The following ZNF235 variants were observed in gnomAD, a reference collection of about 807,000 sequenced individuals.
The protein encoded by ZNF235 is zfp-93.
In ZNF235, 25 loss-of-function variants were observed where a neutral mutation model predicts 29.4. That is an observed-to-expected ratio of 0.85 (90% CI 0.62 to 1.19). The LOEUF is 1.19. Among genes scored for constraint, ZNF235 ranks in the 50% most tolerant of loss-of-function variants. The pLI is 0.00. For synonymous variants in ZNF235, 300 were observed against 295.3 expected (o/e 1.02, Z -0.16); for missense variants, 788 against 885.0 (o/e 0.89, Z 1.39).
rs772622504 is a variant in ZNF235 at position 44,287,498 on chromosome 19, T to C, written c.1937A>G (p.Gln646Arg). The C allele has an allele frequency of 1.2e-5, 20 of 1,614,056 alleles. 1 individual carries two copies. In the South Asian group the frequency reaches 1.9e-4, roughly 15 times the overall value. Residue 646 changes from glutamine to arginine, a missense_variant, in exon 5 of 5, where the codon CAG becomes CGG. By Grantham distance (43) the Gln-to-Arg change is conservative. Transcript: ENST00000291182. ...FSQRSNLQVH[Q>R]IIHTGEKPFK... Reference sequence around the variant, plus strand: ...TGGTTTCTCTCCAGTGTGAATTATCTGATGGACTTGAAGATTTGACCTCTG... The same window carrying C: ...TGGTTTCTCTCCAGTGTGAATTATCCGATGGACTTGAAGATTTGACCTCTG...
chr19:44,299,615 C>G lies in ZNF235; in HGVS notation c.133G>C (p.Val45Leu). 6.2e-7 allele frequency: 1 copy of G among 1,613,994 alleles called. No homozygotes were observed. ...DVMLENFRNL[V>L]SVGHQSFKPD... is the part of the protein sequence containing the mutation. ...GGGTGCCTGTCCTTACCCACTGAAA[C>G]CAGGTTCCTAAAGTTCTCCAGCATC... The change falls in exon 3 of 5, where the codon GTT becomes CTT. Residue 45 changes from valine (V) to leucine (L), a missense_variant. Transcript: ENST00000291182.
At position 44,288,932 on chromosome 19, in the gene ZNF235, A is replaced by C. The variant is rs756255948; in HGVS notation, c.503T>G (p.Ile168Ser). 6.2e-7 allele frequency: 1 copy of C among 1,614,078 alleles called. No individual in the cohort carries two copies. Among genetic ancestry groups the C allele is most frequent in the Non-Finnish European group, 8.5e-7 (1 of 1,179,994 alleles). Residue 168 changes from isoleucine to serine, a missense_variant, in exon 5 of 5, where the codon ATC becomes AGC. Ile to Ser is a moderately radical substitution (Grantham distance 142, BLOSUM62 -2). Coordinates refer to ENST00000291182, the MANE Select transcript of ZNF235 (RefSeq NM_004234.4). ...AGTTGGAAATTCTTGATTTTCAATG[A>C]TACTGGAATGATCCCCTATGTGATT... is the stretch of plus-strand genomic sequence containing the variant. ...LVNHIGDHSS[I>S]IENQEFPTGK... is the part of the protein sequence containing the mutation.
intron 1 of ZNF235, chr19:44,304,745 C>A: frequency 1.0e-6 from 1 of 985,454 alleles, no homozygotes; most frequent in Non-Finnish European, 1.2e-6. Context: ...CTGGTAGGTG[C>A]GTGAGGACGG....
intron 1 of ZNF235, 100 bp from the exon 2 acceptor site, chr19:44,303,552 C>A: frequency 9.2e-7 from 1 of 1,086,618 alleles, no homozygotes; most frequent in East Asian, 2.7e-5. Flanking sequence ...TGTCTCTAGG[C>A]AGACACAGTT....
chr19:44,298,995 C>G, intron 3 of ZNF235, 92 bp from the exon 4 acceptor site: 3 of 808,640 alleles, frequency 3.7e-6, no homozygotes, highest in Non-Finnish European at 6.0e-6. Flanking sequence ...CTCCTCCCTG[C>G]CCCAGCATGC....
At position 44,288,185 on chromosome 19, in the gene ZNF235, T is replaced by C. The variant is rs2123089247; in HGVS notation, c.1250A>G (p.His417Arg). The C allele has an allele frequency of 6.2e-7, 1 of 1,614,200 alleles. No homozygotes were observed. Among genetic ancestry groups the C allele is most frequent in the Middle Eastern group, 1.6e-4 (1 of 6,062 alleles). ...VCGKGFTQRS[H>R]LQAHERIHTG... Reference sequence around the variant, plus strand: ...GTGAATTCTTTCATGGGCCTGAAGATGTGATCTCTGAGTGAAGCCCTTCCC... The same window carrying C: ...GTGAATTCTTTCATGGGCCTGAAGACGTGATCTCTGAGTGAAGCCCTTCCC... The change falls in exon 5 of 5, where the codon CAT becomes CGT. Residue 417 changes from histidine (H) to arginine (R), a missense_variant. His to Arg is a conservative substitution (Grantham distance 29, BLOSUM62 0). Coordinates refer to ENST00000291182, the MANE Select transcript of ZNF235 (RefSeq NM_004234.4).
Position 44,287,776 on chromosome 19 carries a change from A to G in ZNF235, c.1659T>C (p.Asn553=), listed in dbSNP as rs1488406998. The G allele has an allele frequency of 1.2e-6, 2 of 1,613,844 alleles. No homozygotes were observed. Among genetic ancestry groups the G allele is most frequent in the South Asian group, 2.2e-5 (2 of 91,056 alleles). Residue 553 remains asparagine (N), a synonymous_variant, in exon 5 of 5, where the codon AAT becomes AAC. Coordinates refer to ENST00000291182, the MANE Select transcript of ZNF235 (RefSeq NM_004234.4). ...GATGATTGTGAAGATTCAAGCTCCA[A>G]TTGAAGCGCTTCCCACACACTTCAC... ...YKCEVCGKRF[N]WSLNLHNHQR... is the part of the protein sequence containing the mutation.
intron 2 of ZNF235, among the ~76,000 whole-genome samples, chr19:44,303,169 T>C (rs1975779693): frequency 7.0e-6 from 1 of 143,274 alleles, no homozygotes; most frequent in South Asian, 2.1e-4. Context: ...TATATATAAA[T>C]ATATAATTAT....
At chr19:44,293,337 A>G (rs957763570) in intron 4 of ZNF235, among the ~76,000 whole-genome samples, 3 of 152,148 alleles carry the variant, frequency 2.0e-5, no homozygotes, top group Admixed American at 6.6e-5. Flanking sequence ...AAAAAAGACA[A>G]AGTCATTACA....
At position 44,302,925 on chromosome 19, in the gene ZNF235, T is replaced by TATATATTTGC. The variant is rs1568647457; in HGVS notation, c.15+464_15+465insGCAAATATAT. 3.7e-4 allele frequency among the ~76,000 whole-genome samples: 52 copies of TATATATTTGC among 139,586 alleles called. No individual in the cohort carries two copies. In the East Asian group the frequency reaches 9.1e-3, roughly 25 times the overall value. 91.6% of individuals were successfully genotyped at this position (139,586 alleles called of 152,430 possible). ...ATATAAATATATACGTATATATTTG[T>TATATATTTGC]ATGTATTTATATATACATATTTGTA... On this transcript the variant is annotated intron_variant, in intron 2 of 4. Coordinates refer to ENST00000291182, the MANE Select transcript of ZNF235 (RefSeq NM_004234.4).
At chr19:44,303,006 ACG>A (rs1975771705) in intron 2 of ZNF235, among the ~76,000 whole-genome samples, 2 of 137,162 alleles carry the variant, frequency 1.5e-5, no homozygotes, top group African/African-American at 2.8e-5. Flanking sequence ...ATACATATAT[ACG>A]TATATATTTA....
chr19:44,287,218 C>T lies in ZNF235; in HGVS notation c.2217G>A (p.Ter739=), dbSNP rs754854695. 1 of 1,584,990 alleles carries T rather than the reference C, an allele frequency of 6.3e-7. No individual in the cohort carries two copies. The highest frequency in any genetic ancestry group is 8.6e-7 in the Non-Finnish European group (1 of 1,163,878). The part of the protein sequence containing the change: ...HQRVHTGGNL[*] ...GAAGGCTGAACCACACCTCTCATTTCTACAGATTCCCTCCAGTGTGGACTC... is the reference window on the plus strand; with the variant it reads ...GAAGGCTGAACCACACCTCTCATTTTTACAGATTCCCTCCAGTGTGGACTC... The change falls in exon 5 of 5, where the codon TAG becomes TAA. Residue 739 remains the stop codon, a stop_retained_variant. Coordinates refer to ENST00000291182, the MANE Select transcript of ZNF235 (RefSeq NM_004234.4).
In ZNF235 at chr19:44,300,839, C is replaced by CAAAAA. The variant is rs143676501; in HGVS notation, c.16-1112_16-1108dup. Among the ~76,000 whole-genome samples, 273 of 95,858 alleles carry CAAAAA rather than the reference C, an allele frequency of 2.8e-3. 1 individual carries two copies. The highest frequency in any genetic ancestry group is 0.012 in the African/African-American group (257 of 21,772). 62.9% of individuals were successfully genotyped at this position (95,858 alleles called of 152,430 possible). On this transcript the variant is annotated intron_variant, in intron 2 of 4. Coordinates refer to ENST00000291182, the MANE Select transcript of ZNF235 (RefSeq NM_004234.4). ...TGAATGACAGAGCGAGACTCCGTCT[C>CAAAAA]AAAAAAAAAAAAAAAAAAAAGGTAA... is the stretch of plus-strand genomic sequence containing the variant.
Position 44,304,995 on chromosome 19 carries a change from G to T in ZNF235, c.-73C>A. The T allele has an allele frequency of 1.0e-6, 1 of 965,544 alleles. No individual in the cohort carries two copies. The highest frequency in any genetic ancestry group is 1.2e-6 in the Non-Finnish European group (1 of 811,780). 59.8% of individuals were successfully genotyped at this position (965,544 alleles called of 1,614,324 possible). A position where few individuals can be genotyped will look rare whatever the true frequency, so the allele number is the denominator to read the frequency against. On this transcript the variant is annotated 5_prime_UTR_variant, in exon 1 of 5. Transcript: ENST00000291182. ...CCTCCCTGGGAGATATCTCAGATCCGACCTCGCCTTCCTGGAGCGGAAGTG... is the reference window on the plus strand; with the variant it reads ...CCTCCCTGGGAGATATCTCAGATCCTACCTCGCCTTCCTGGAGCGGAAGTG...
intron 4 of ZNF235, among the ~76,000 whole-genome samples, chr19:44,294,936 T>A (rs1313038841): frequency 6.6e-6 from 1 of 151,996 alleles, no homozygotes; most frequent in Admixed American, 6.6e-5. Flanking sequence ...AAGAAACATA[T>A]TTCAAAATAA....
intron 2 of ZNF235, among the ~76,000 whole-genome samples, chr19:44,299,933 C>G (rs187984889): frequency 5.8e-4 from 89 of 152,310 alleles, no homozygotes; most frequent in Middle Eastern, 3.4e-3. Flanking sequence ...TAAATCATGG[C>G]ATACACACAT....
rs1308412164 is a variant in ZNF235 at position 44,287,755 on chromosome 19, A to G, written c.1680T>C (p.Asn560=). Reference sequence around the variant, plus strand: ...TCTCTCCGGTGTGGACTCTCTGATGATTGTGAAGATTCAAGCTCCAATTGA... The same window carrying G: ...TCTCTCCGGTGTGGACTCTCTGATGGTTGTGAAGATTCAAGCTCCAATTGA... ...KRFNWSLNLH[N]HQRVHTGEKP... The change falls in exon 5 of 5, where the codon AAT becomes AAC. Residue 560 remains asparagine, a synonymous_variant. Coordinates refer to ENST00000291182, the MANE Select transcript of ZNF235 (RefSeq NM_004234.4). The G allele has an allele frequency of 6.2e-7, 1 of 1,613,266 alleles. No individual in the cohort carries two copies. Among genetic ancestry groups the G allele is most frequent in the Non-Finnish European group, 8.5e-7 (1 of 1,179,810 alleles).
At chr19:44,302,901 T>TGTAA (rs1568647401) in intron 2 of ZNF235, among the ~76,000 whole-genome samples, 8 of 126,770 alleles carry the variant, frequency 6.3e-5, no homozygotes, top group African/African-American at 2.2e-4. Context: ...CATATTTGTA[T>TGTAA]ATAAATATAT....
intron 4 of ZNF235, among the ~76,000 whole-genome samples, chr19:44,293,781 T>C (rs1020439767): frequency 2.0e-5 from 3 of 151,966 alleles, no homozygotes; most frequent in African/African-American, 7.2e-5. Context: ...CTAGAAACTA[T>C]ACAAATACAT....
Sources: allele counts gnomAD v4.1 joint callset (sites outside exome capture counted in the v4.1 genomes callset), GRCh38; gene constraint gnomAD v4.1.1; transcripts MANE v1.5; gene names NCBI Gene and HGNC (gene_info 2026-07-23, HGNC 2026-07-21).